RIF1: variants seen among roughly 807,000 people sequenced by gnomAD.
RIF1 encodes the protein telomere-associated protein RIF1.
In RIF1, 45 loss-of-function variants were observed where a neutral mutation model predicts 247.1. The observed-to-expected ratio is 0.18, with a 90% CI of 0.14 to 0.23. The LOEUF (loss-of-function observed/expected upper bound fraction) is 0.23, where lower values mean the gene tolerates loss of function less well. RIF1 is among the 10% of genes least tolerant of loss of function. The pLI is 1.00. For missense variants in RIF1, 2,967 were observed against 2,862.5 expected (o/e 1.04, Z -0.83); for synonymous variants, 1,087 against 978.8 (o/e 1.11, Z -2.06).
At chr2:151,529,511 A>G in the RIF1 span, among the ~76,000 whole-genome samples, 5 of 151,806 alleles carry the variant, frequency 3.3e-5, no homozygotes, top group African/African-American at 7.3e-5. Context: ...CACACTGACT[A>G]TGGTCATCAG....
At position 151,491,387 on chromosome 2, in the gene RIF1, A is replaced by G. The variant is rs188792150; in HGVS notation, c.*416-3842A>G. On this transcript the variant is annotated intron_variant and NMD_transcript_variant, in intron 9 of 13. Coordinates refer to the RIF1 transcript ENST00000454583. ...TCTCTTCCCTTTGCCTATGTATTTT[A>G]TGTATTTTCATTATTTCTCCAATAG... The G allele has an allele frequency of 2.4e-4, 68 of 279,000 alleles. 1 individual carries two copies. The highest frequency in any genetic ancestry group is 1.5e-3 in the African/African-American group (66 of 45,438). 17.3% of individuals were successfully genotyped at this position (279,000 alleles called of 1,614,324 possible).
At chr2:151,520,075 A>C in the RIF1 span, 267 of 200,842 alleles carry the variant, frequency 1.3e-3, 2 homozygotes, top group African/African-American at 5.9e-3. Flanking sequence ...TTCAGGCTAA[A>C]TTCAGAGATG....
At chr2:151,456,641 A>G in intron 23 of RIF1, 21 bp downstream of exon 23, 1 of 1,367,108 alleles carries the variant, frequency 7.3e-7, no homozygotes, top group Non-Finnish European at 1.0e-6. Context: ...ACAATTCTCC[A>G]TAAACCATAC....
At chr2:151,519,824 TG>T in the RIF1 span, 1 of 1,175,490 alleles carries the variant, frequency 8.5e-7, no homozygotes. Context: ...ATTTGGGAAT[TG>T]GGGAATAGTA....
At chr2:151,459,081 T>C (rs1470944228) in intron 25 of RIF1, among the ~76,000 whole-genome samples, 171 bp downstream of exon 25, 1 of 152,220 alleles carries the variant, frequency 6.6e-6, no homozygotes, top group Non-Finnish European at 1.5e-5. Context: ...GAGATTCTCA[T>C]GTAAATAATC....
rs1361385275 is a variant in RIF1, at chr2:151,476,210, C to T, written c.*1139C>T. ...CAGTATTTCACAGCAAGTTGGACTA[C>T]AAAATCTAGAGTTGATCTGCTTTTT... On this transcript the variant is annotated 3_prime_UTR_variant, in exon 36 of 36. Coordinates refer to ENST00000444746, the MANE Select transcript of RIF1 (RefSeq NM_018151.5). The T allele has an allele frequency of 6.6e-6, 1 of 152,168 alleles. No individual in the cohort carries two copies. Among genetic ancestry groups the T allele is most frequent in the African/African-American group, 2.4e-5 (1 of 41,432 alleles). 9.4% of individuals were successfully genotyped at this position (152,168 alleles called of 1,614,324 possible).
chr2:151,526,863 C>A, the RIF1 span: 18 of 1,246,732 alleles, frequency 1.4e-5, no homozygotes, highest in Non-Finnish European at 1.8e-5. Context: ...GGGACTGTAC[C>A]ATGGAAGATG....
chr2:151,425,057 C>T (rs1474305674), intron 8 of RIF1, among the ~76,000 whole-genome samples: 1 of 151,870 alleles, frequency 6.6e-6, no homozygotes, highest in Non-Finnish European at 1.5e-5. Flanking sequence ...CCATAATATC[C>T]TCACCAACAC....
At chr2:151,521,269 C>T in the RIF1 span, among the ~76,000 whole-genome samples, 1 of 152,104 alleles carries the variant, frequency 6.6e-6, no homozygotes, top group Non-Finnish European at 1.5e-5. Flanking sequence ...TGAATAAATC[C>T]TCAGTGGAAA....
At chr2:151,474,277 A>AT (rs1416351532) in intron 35 of RIF1, among the ~76,000 whole-genome samples, 12 of 152,360 alleles carry the variant, frequency 7.9e-5, no homozygotes, top group Non-Finnish European at 1.0e-4. Context: ...GGTCTCAAGG[A>AT]TTTAAACTAT....
At chr2:151,497,294 C>CT (rs34295833) in intron 10 of RIF1, 1 of 964,190 alleles carries the variant, frequency 1.0e-6, no homozygotes, top group African/African-American at 1.8e-5. Flanking sequence ...TTTTTTTTTC[C>CT]TTTTTTGTGA....
intron 8 of RIF1, among the ~76,000 whole-genome samples, chr2:151,424,954 A>G (rs1054553094): frequency 4.0e-5 from 6 of 149,446 alleles, no homozygotes; most frequent in African/African-American, 1.5e-4. Flanking sequence ...GTTGGATTAC[A>G]GGCATGAGCC....
At chr2:151,519,321 C>T in the RIF1 span, among the ~76,000 whole-genome samples, 4 of 152,130 alleles carry the variant, frequency 2.6e-5, no homozygotes, top group Admixed American at 2.0e-4. Context: ...CTGATATATC[C>T]TACAACATGG....
chr2:151,445,163 CTT>C (rs1315058824), intron 18 of RIF1, among the ~76,000 whole-genome samples, 173 bp from the exon 19 acceptor site: 1 of 152,172 alleles, frequency 6.6e-6, no homozygotes, highest in Non-Finnish European at 1.5e-5. Context: ...TATGCAAAGA[CTT>C]TATTTCCAAA....
At position 151,479,781 on chromosome 2, in the gene RIF1, T is replaced by A. The variant is rs1029686234; in HGVS notation, c.*4710T>A. ...ACATATTTAAATAATCTGTAAGAACTACCCTGAAAGCACTAAGGAAAATGT... is the reference window on the plus strand; with the variant it reads ...ACATATTTAAATAATCTGTAAGAACAACCCTGAAAGCACTAAGGAAAATGT... On this transcript the variant is annotated 3_prime_UTR_variant, in exon 36 of 36. Coordinates refer to ENST00000444746, the MANE Select transcript of RIF1 (RefSeq NM_018151.5). 5 of 152,200 alleles carry A rather than the reference T, an allele frequency of 3.3e-5. No individual in the cohort carries two copies. Among genetic ancestry groups the A allele is most frequent in the Admixed American group, 6.6e-5 (1 of 15,266 alleles). 9.4% of individuals were successfully genotyped at this position (152,200 alleles called of 1,614,324 possible).
At chr2:151,503,514 C>G in intron 12 of RIF1, 2 of 973,540 alleles carry the variant, frequency 2.1e-6, no homozygotes, top group Non-Finnish European at 3.3e-6. Context: ...CACATGTGGG[C>G]TATTTGGGGG....
the RIF1 span, among the ~76,000 whole-genome samples, chr2:151,513,029 C>T: frequency 6.6e-6 from 1 of 152,106 alleles, no homozygotes; most frequent in Non-Finnish European, 1.5e-5. Context: ...AAGGTCAAGT[C>T]CTAGCTGTTG....
At position 151,461,298 on chromosome 2, in the gene RIF1, G is replaced by T. The variant is rs1186287156; in HGVS notation, c.3227+9G>T. ...GTTCTCAAAACAAAGCGGTTTGTAGGCCTTTTATCTTGAGTTGGGTATTTG... is the reference window on the plus strand; with the variant it reads ...GTTCTCAAAACAAAGCGGTTTGTAGTCCTTTTATCTTGAGTTGGGTATTTG... On this transcript the variant is annotated intron_variant, in intron 27 of 35. Transcript: ENST00000444746. 1 of 1,609,730 alleles carries T rather than the reference G, an allele frequency of 6.2e-7. No homozygotes were observed. The highest frequency in any genetic ancestry group is 8.5e-7 in the Non-Finnish European group (1 of 1,178,662).
chr2:151,478,776 G>T lies in RIF1; in HGVS notation c.*3705G>T, dbSNP rs888788541. On this transcript the variant is annotated 3_prime_UTR_variant, in exon 36 of 36. Transcript: ENST00000444746. ...CTTTAATTCAGTAAGAAAGGCCTAG[G>T]TTTCATCTCATATTCTTCATAATTG... The T allele has an allele frequency of 6.6e-6, 1 of 151,908 alleles. No individual in the cohort carries two copies. The highest frequency in any genetic ancestry group is 2.4e-5 in the African/African-American group (1 of 41,332). 9.4% of individuals were successfully genotyped at this position (151,908 alleles called of 1,614,324 possible).
Sources: allele counts gnomAD v4.1 joint callset (sites outside exome capture counted in the v4.1 genomes callset), GRCh38; gene constraint gnomAD v4.1.1; transcripts MANE v1.5; gene names NCBI Gene and HGNC (gene_info 2026-07-23, HGNC 2026-07-21).